The following PTPRR variants were observed in gnomAD, a reference collection of about 807,000 sequenced individuals.
The protein encoded by PTPRR is protein tyrosine phosphatase receptor type R.
Under a neutral mutation model 77.2 loss-of-function variants are expected in PTPRR, and 38 were observed. The ratio of observed to expected loss-of-function variants is 0.49; its 90% CI spans 0.38 to 0.65. PTPRR has a LOEUF of 0.65. Among genes scored for constraint, PTPRR ranks in the 30% least tolerant of loss-of-function variants. The pLI, the probability that PTPRR is intolerant of heterozygous loss-of-function variation, is 0.00. For missense variants in PTPRR, 744 were observed against 799.2 expected, an observed-to-expected ratio of 0.93 and a Z score of 0.83; for synonymous variants, 299 against 283.1, an observed-to-expected ratio of 1.06 and a Z score of -0.57.
At chr12:70,650,740 C>T (rs1886365792) in intron 13 of PTPRR, among the ~76,000 whole-genome samples, 1 of 152,150 alleles carries the variant, frequency 6.6e-6, no homozygotes, top group South Asian at 2.1e-4. Context: ...GTCTCAGATG[C>T]CTGTTCCACA....
chr12:70,894,906 C>T (rs546104185), intron 1 of PTPRR, among the ~76,000 whole-genome samples: 11 of 151,684 alleles, frequency 7.3e-5, no homozygotes, highest in Non-Finnish European at 1.2e-4. Flanking sequence ...TTAGCATGCT[C>T]GGAACTGAAG....
intron 1 of PTPRR, among the ~76,000 whole-genome samples, chr12:70,912,125 G>A (rs1349299641): frequency 6.6e-6 from 1 of 152,176 alleles, no homozygotes; most frequent in Non-Finnish European, 1.5e-5. Flanking sequence ...ATGATTGAAA[G>A]CCATACATTT....
At chr12:70,642,950 C>A (rs574856150) in intron 13 of PTPRR, among the ~76,000 whole-genome samples, 1 of 152,154 alleles carries the variant, frequency 6.6e-6, no homozygotes, top group African/African-American at 2.4e-5. Context: ...GTGGGAGGAT[C>A]ACTTGAGCCC....
chr12:70,916,682 T>C (rs1431728846), intron 1 of PTPRR, among the ~76,000 whole-genome samples: 1 of 151,946 alleles, frequency 6.6e-6, no homozygotes, highest in Non-Finnish European at 1.5e-5. Context: ...AATATATCAT[T>C]TACCTGTTAG....
intron 6 of PTPRR, among the ~76,000 whole-genome samples, chr12:70,703,890 G>A (rs1239757396): frequency 6.6e-6 from 1 of 152,102 alleles, no homozygotes; most frequent in Non-Finnish European, 1.5e-5. Context: ...TGAGGTAGAA[G>A]TCATTTAAGT....
intron 2 of PTPRR, among the ~76,000 whole-genome samples, chr12:70,875,418 T>TA (rs1467597038): frequency 6.6e-6 from 1 of 151,912 alleles, no homozygotes; most frequent in Non-Finnish European, 1.5e-5. Flanking sequence ...GACCAGGAGA[T>TA]ACGGAGGTTC....
intron 1 of PTPRR, among the ~76,000 whole-genome samples, 170 bp downstream of exon 1, chr12:70,920,163 C>T (rs1458517218): frequency 6.6e-6 from 1 of 152,164 alleles, no homozygotes; most frequent in African/African-American, 2.4e-5. Flanking sequence ...TTTTCGGCCT[C>T]AGTTTTCCAA....
intron 6 of PTPRR, among the ~76,000 whole-genome samples, chr12:70,734,978 G>T (rs1477412569): frequency 6.6e-6 from 1 of 152,070 alleles, no homozygotes; most frequent in East Asian, 1.9e-4. Flanking sequence ...TTTCAGGCAG[G>T]TTTCAAAACT....
At chr12:70,682,195 C>T (rs1362396123) in intron 10 of PTPRR, among the ~76,000 whole-genome samples, 2 of 151,124 alleles carry the variant, frequency 1.3e-5, no homozygotes, top group Admixed American at 6.6e-5. Flanking sequence ...AGGCGCCCGC[C>T]ACCACGCCCG....
chr12:70,726,001 T>A (rs539027232), intron 6 of PTPRR, among the ~76,000 whole-genome samples: 1 of 152,104 alleles, frequency 6.6e-6, no homozygotes, highest in African/African-American at 2.4e-5. Flanking sequence ...AATGTACACA[T>A]CATAGATAGA....
At chr12:70,715,403 C>T (rs1163970852) in intron 6 of PTPRR, among the ~76,000 whole-genome samples, 3 of 152,270 alleles carry the variant, frequency 2.0e-5, no homozygotes, top group Non-Finnish European at 4.4e-5. Flanking sequence ...AATGAAGTTT[C>T]CGGCACCATT....
chr12:70,876,742 T>A lies in PTPRR; in HGVS notation c.357+15937A>T, dbSNP rs537996660. Among the ~76,000 whole-genome samples the A allele has an allele frequency of 2.6e-4, 40 of 152,294 alleles. No individual in the cohort carries two copies. In the East Asian group the frequency reaches 6.5e-3, roughly 25 times the overall value. ...GCATTTGGATTAATAACATCTTTTT[T>A]AAAAAATAGTCTTCTTTCTAACAGA... On this transcript the variant is annotated intron_variant, in intron 2 of 13. Coordinates refer to ENST00000283228, the MANE Select transcript of PTPRR (RefSeq NM_002849.4).
At chr12:70,852,126 G>A (rs151295665) in intron 2 of PTPRR, among the ~76,000 whole-genome samples, 86 of 152,102 alleles carry the variant, frequency 5.7e-4, no homozygotes, top group Non-Finnish European at 1.0e-3. Context: ...AGGGTGTGCA[G>A]GAAATGAAAT....
chr12:70,848,293 C>T (rs756169751), intron 2 of PTPRR, among the ~76,000 whole-genome samples: 13 of 152,106 alleles, frequency 8.5e-5, no homozygotes, highest in Non-Finnish European at 1.5e-4. Context: ...GTATTATTCC[C>T]TTCGAATATT....
chr12:70,851,217 T>C (rs1000801469), intron 2 of PTPRR, among the ~76,000 whole-genome samples: 3 of 152,320 alleles, frequency 2.0e-5, no homozygotes, highest in African/African-American at 7.2e-5. Flanking sequence ...ATTTCAGAGA[T>C]AGGTCTCTTA....
intron 2 of PTPRR, among the ~76,000 whole-genome samples, chr12:70,794,814 C>T (rs562144168): frequency 6.6e-6 from 1 of 152,294 alleles, no homozygotes; most frequent in Admixed American, 6.5e-5. Flanking sequence ...CAGATACTAC[C>T]ACTGCCAACA....
intron 6 of PTPRR, among the ~76,000 whole-genome samples, chr12:70,718,268 G>GTT (rs34571781): frequency 1.4e-5 from 2 of 147,026 alleles, no homozygotes; most frequent in African/African-American, 2.5e-5. Flanking sequence ...ATGGTCCACT[G>GTT]TTTTTTTTTT....
chr12:70,769,599 G>C (rs1181489574), intron 2 of PTPRR, among the ~76,000 whole-genome samples: 4 of 152,102 alleles, frequency 2.6e-5, no homozygotes, highest in Non-Finnish European at 2.9e-5. Context: ...GTAATTTATA[G>C]ATTCAATGCC....
chr12:70,725,936 T>C (rs1889418108), intron 6 of PTPRR, among the ~76,000 whole-genome samples: 1 of 152,112 alleles, frequency 6.6e-6, no homozygotes, highest in Non-Finnish European at 1.5e-5. Flanking sequence ...AGGAGGGACA[T>C]TACTGCGCCT....
Sources: gnomAD v4.1 joint callset for allele counts (sites outside exome capture counted in the v4.1 genomes callset) on GRCh38, gnomAD v4.1.1 for gene constraint, MANE v1.5 for transcripts, NCBI Gene and HGNC (gene_info 2026-07-23, HGNC 2026-07-21) for gene names.